The following COL11A1 variants were observed in gnomAD, a reference collection of about 807,000 sequenced individuals.
The protein encoded by COL11A1 is collagen type XI alpha 1 chain, also known as collagen alpha-1(XI) chain.
Under a neutral mutation model 265.2 loss-of-function variants are expected in COL11A1, and 74 were observed. That is an observed-to-expected ratio of 0.28 (90% CI 0.23 to 0.34). COL11A1 has a LOEUF of 0.34. COL11A1 is among the 10% of genes least tolerant of loss of function. COL11A1 has a pLI of 1.00. For synonymous variants in COL11A1, 816 were observed against 727.6 expected (o/e 1.12, Z -1.96); for missense variants, 2,165 against 2,263.6 (o/e 0.96, Z 0.88).
intron 44 of COL11A1, among the ~76,000 whole-genome samples, chr1:102,935,411 G>T (rs747552703): frequency 6.6e-6 from 1 of 152,058 alleles, no homozygotes; most frequent in African/African-American, 2.4e-5. Context: ...TGTAAGATTC[G>T]CATTTGAAAA....
intron 41 of COL11A1, among the ~76,000 whole-genome samples, chr1:102,956,559 T>C (rs1013998597): frequency 4.6e-5 from 7 of 152,072 alleles, no homozygotes; most frequent in Non-Finnish European, 8.8e-5. Flanking sequence ...TAACTTTTTA[T>C]TGAAGTAAAA....
At chr1:102,902,940 T>C (rs947532827) in intron 54 of COL11A1, among the ~76,000 whole-genome samples, 1 of 151,856 alleles carries the variant, frequency 6.6e-6, no homozygotes, top group Non-Finnish European at 1.5e-5. Context: ...ACTTCATCTG[T>C]CATTATAACC....
At chr1:103,044,179 CA>C (rs1424263085) in intron 4 of COL11A1, among the ~76,000 whole-genome samples, 5 of 130,716 alleles carry the variant, frequency 3.8e-5, no homozygotes, top group Non-Finnish European at 8.3e-5. Context: ...TTTTTTTTTT[CA>C]AACACCCCAT....
In COL11A1 at chr1:102,956,015, G is replaced by A. The variant is rs185802608; in HGVS notation, c.3168+5851C>T. ...TTTTCCTAGACTTTAAAATCCCAAC[G>A]TCACAGCACCCTATTGGTATAATTT... is the stretch of plus-strand genomic sequence containing the variant. On this transcript the variant is annotated intron_variant, in intron 41 of 66. Transcript: ENST00000370096. Among the ~76,000 whole-genome samples, 587 of 152,232 alleles carry A rather than the reference G, an allele frequency of 3.9e-3. 2 individuals are homozygous for A. Among genetic ancestry groups the A allele is most frequent in the Middle Eastern group, 6.8e-3 (2 of 294 alleles).
At chr1:102,953,169 T>C (rs977284792) in intron 41 of COL11A1, among the ~76,000 whole-genome samples, 3 of 152,210 alleles carry the variant, frequency 2.0e-5, no homozygotes, top group Non-Finnish European at 4.4e-5. Flanking sequence ...AAATAAACTA[T>C]TATATCTAAA....
intron 23 of COL11A1, 131 bp downstream of exon 23, chr1:103,002,297 T>C: frequency 1.1e-6 from 1 of 886,456 alleles, no homozygotes; most frequent in Non-Finnish European, 1.8e-6. Flanking sequence ...AAGAAAAGTA[T>C]GTATTTTCCT....
At chr1:102,987,493 G>C in intron 30 of COL11A1, 140 bp downstream of exon 30, 4 of 746,498 alleles carry the variant, frequency 5.4e-6, no homozygotes, top group Non-Finnish European at 9.3e-6. Flanking sequence ...TGTAATGGTT[G>C]CAAATTTAAA....
intron 4 of COL11A1, among the ~76,000 whole-genome samples, chr1:103,063,416 A>C (rs979607910): frequency 1.3e-5 from 2 of 152,134 alleles, no homozygotes; most frequent in African/African-American, 4.8e-5. Context: ...GATCCATATA[A>C]ATATACTAAA....
intron 37 of COL11A1, among the ~76,000 whole-genome samples, chr1:102,966,379 A>C (rs1008110840): frequency 6.6e-6 from 1 of 152,192 alleles, no homozygotes; most frequent in Non-Finnish European, 1.5e-5. Context: ...TAGAAAAAAA[A>C]TGGGTAGGAA....
intron 4 of COL11A1, among the ~76,000 whole-genome samples, chr1:103,046,946 T>C (rs1378515212): frequency 3.9e-5 from 6 of 152,276 alleles, no homozygotes; most frequent in African/African-American, 4.8e-5. Context: ...GAGGGCTCTG[T>C]TCTGTTCCAT....
chr1:102,932,619 C>A (rs553319896), intron 46 of COL11A1, among the ~76,000 whole-genome samples: 153 of 152,216 alleles, frequency 1.0e-3, no homozygotes, highest in African/African-American at 3.4e-3. Flanking sequence ...TCTGTATTTC[C>A]TGAATCTGAA....
rs766245051 is a variant in COL11A1, at chr1:103,023,008, A to G, written c.991-12T>C. ...TCAACTGGATTTGGCTATTAATTTA[A>G]ATTGCAAGGAATTGAGGAACATGAA... On this transcript the variant is annotated splice_polypyrimidine_tract_variant and intron_variant, in intron 7 of 66. Coordinates refer to ENST00000370096, the MANE Select transcript of COL11A1 (RefSeq NM_001854.4). 68 of 1,608,108 alleles carry G rather than the reference A, an allele frequency of 4.2e-5. 1 individual carries two copies. The highest frequency in any genetic ancestry group is 4.2e-5 in the Non-Finnish European group (49 of 1,176,466).
At chr1:103,045,869 T>G (rs185456691) in intron 4 of COL11A1, among the ~76,000 whole-genome samples, 1 of 151,990 alleles carries the variant, frequency 6.6e-6, no homozygotes, top group African/African-American at 2.4e-5. Context: ...ATGCAGTGTT[T>G]GGTTTTTTGT....
In COL11A1 at chr1:102,909,387, T is replaced by C. The variant is rs542342632; in HGVS notation, c.4086+2772A>G. Reference sequence around the variant, plus strand: ...CTGTAGAGCCTGCAGAACTGTGAGCTAGATAAACCTCTTTTCTTTATAAAT... The same window carrying C: ...CTGTAGAGCCTGCAGAACTGTGAGCCAGATAAACCTCTTTTCTTTATAAAT... On this transcript the variant is annotated intron_variant, in intron 54 of 66. Transcript: ENST00000370096. Among the ~76,000 whole-genome samples, 89 of 152,306 alleles carry C rather than the reference T, an allele frequency of 5.8e-4. 1 individual carries two copies. Among genetic ancestry groups the C allele is most frequent in the African/African-American group, 2.1e-3 (88 of 41,572 alleles).
At chr1:103,107,672 A>G (rs972891174) in intron 1 of COL11A1, among the ~76,000 whole-genome samples, 1 of 151,994 alleles carries the variant, frequency 6.6e-6, no homozygotes, top group Non-Finnish European at 1.5e-5. Context: ...AGATATTCCC[A>G]TTAGTTAGAA....
chr1:102,978,153 T>C (rs984579757), intron 35 of COL11A1, among the ~76,000 whole-genome samples: 4 of 152,162 alleles, frequency 2.6e-5, no homozygotes, highest in Non-Finnish European at 4.4e-5. Context: ...AAAAATGTTA[T>C]ATTTTGCCAA....
chr1:102,884,101 T>C (rs762102393), intron 63 of COL11A1, among the ~76,000 whole-genome samples: 2 of 152,186 alleles, frequency 1.3e-5, no homozygotes, highest in African/African-American at 4.8e-5. Flanking sequence ...CTTCCTTCTG[T>C]TGGGACTCAG....
At chr1:102,890,394 G>A (rs943140087) in intron 58 of COL11A1, 57 bp downstream of exon 58, 2 of 1,382,562 alleles carry the variant, frequency 1.4e-6, no homozygotes, top group African/African-American at 1.5e-5. Context: ...GCAAAAGCAG[G>A]GCTATTAGTA....
intron 43 of COL11A1, among the ~76,000 whole-genome samples, chr1:102,939,801 G>T (rs984022): frequency 6.6e-6 from 1 of 151,862 alleles, no homozygotes; most frequent in Non-Finnish European, 1.5e-5. Context: ...TCAGAGTGCT[G>T]GTTTAAAAAT....
Sources: gnomAD v4.1 joint callset for allele counts (sites outside exome capture counted in the v4.1 genomes callset) on GRCh38, gnomAD v4.1.1 for gene constraint, MANE v1.5 for transcripts, NCBI Gene and HGNC (gene_info 2026-07-23, HGNC 2026-07-21) for gene names.